CSGALNACT1: variants seen among roughly 807,000 people sequenced by gnomAD.
CSGALNACT1 encodes the protein beta4GalNAcT-1.
Under a neutral mutation model 51.0 loss-of-function variants are expected in CSGALNACT1, and 52 were observed. The ratio of observed to expected loss-of-function variants is 1.02; its 90% CI spans 0.82 to 1.29. The LOEUF (loss-of-function observed/expected upper bound fraction) is 1.29. CSGALNACT1 is among the 50% of genes most tolerant of loss of function. CSGALNACT1 has a pLI of 0.00. For synonymous variants in CSGALNACT1, 341 were observed against 254.4 expected, an observed-to-expected ratio of 1.34 and a Z score of -3.24; for missense variants, 935 against 679.2, an observed-to-expected ratio of 1.38 and a Z score of -4.19.
intron 1 of CSGALNACT1, among the ~76,000 whole-genome samples, chr8:19,626,020 T>A (rs2154166045): frequency 6.6e-6 from 1 of 152,344 alleles, no homozygotes; most frequent in Non-Finnish European, 1.5e-5. Flanking sequence ...TATTAACATT[T>A]AAATTAACAG....
In CSGALNACT1 at chr8:19,505,795, G is replaced by T. The variant is rs117494579; in HGVS notation, c.40C>A (p.Arg14=). The change falls in exon 4 of 10, where the codon CGG becomes AGG. Residue 14 remains arginine (R), a synonymous_variant. Transcript: ENST00000454498. ...AGGAGCACCAGCAAAACCACCACCC[G>T]GGAAATCCACGCAAGCAGCCCCCGG... 5.0e-6 allele frequency: 8 copies of T among 1,613,598 alleles called. No homozygotes were observed. The highest frequency in any genetic ancestry group is 5.1e-6 in the Non-Finnish European group (6 of 1,180,026).
chr8:19,549,656 CTTTTTTTTT>C (rs542956513), intron 3 of CSGALNACT1, among the ~76,000 whole-genome samples: 1 of 83,468 alleles, frequency 1.2e-5, no homozygotes, highest in Non-Finnish European at 2.3e-5. Context: ...CAATTTCCTA[CTTTTTTTTT>C]TTTTTTTTTT....
chr8:19,525,875 G>T (rs915554050), intron 3 of CSGALNACT1, among the ~76,000 whole-genome samples: 1 of 152,092 alleles, frequency 6.6e-6, no homozygotes, highest in Admixed American at 6.6e-5. Flanking sequence ...CTCCCTGAGG[G>T]ATTACTGCCA....
At chr8:19,563,058 A>T (rs2041126442) in intron 3 of CSGALNACT1, among the ~76,000 whole-genome samples, 1 of 152,246 alleles carries the variant, frequency 6.6e-6, no homozygotes, top group Non-Finnish European at 1.5e-5. Flanking sequence ...CTGGATAAAG[A>T]AAATGTGGTA....
intron 1 of CSGALNACT1, among the ~76,000 whole-genome samples, chr8:19,612,367 A>G (rs1419850623): frequency 2.0e-5 from 3 of 152,088 alleles, no homozygotes; most frequent in Admixed American, 6.6e-5. Context: ...ATTGAAAAAA[A>G]AAATTCTCCA....
At chr8:19,644,709 CAAAAAAAAAAAAAAA>C (rs756025465) in intron 1 of CSGALNACT1, among the ~76,000 whole-genome samples, 1 of 22,292 alleles carries the variant, frequency 4.5e-5, no homozygotes, top group Non-Finnish European at 9.6e-5. Flanking sequence ...GACTCCGTCT[CAAAAAAAAAAAAAAA>C]AAAAAAAAAA....
intron 6 of CSGALNACT1, among the ~76,000 whole-genome samples, chr8:19,438,035 G>A (rs1052296691): frequency 2.6e-5 from 4 of 152,160 alleles, no homozygotes; most frequent in Admixed American, 1.3e-4. Context: ...ACTTATCCAT[G>A]GGACTCATTT....
chr8:19,606,908 C>A (rs1048687679), upstream of CSGALNACT1, among the ~76,000 whole-genome samples: 2 of 152,154 alleles, frequency 1.3e-5, no homozygotes, highest in African/African-American at 4.8e-5. Flanking sequence ...GTAATCCCAG[C>A]ACTTTGGGAG....
rs73212537 is a variant in CSGALNACT1, at chr8:19,440,256, T to C, written c.852-325A>G. Among the ~76,000 whole-genome samples the C allele has an allele frequency of 0.084, 12,761 of 152,164 alleles. 764 individuals carry two copies. The highest frequency in any genetic ancestry group is 0.12 in the Non-Finnish European group (8,416 of 67,974). ...TTGGGTCCTTGGGGTCCCTGGTTCTTACCCCATAAAAAGACTATTTTAGAC... is the reference window on the plus strand; with the variant it reads ...TTGGGTCCTTGGGGTCCCTGGTTCTCACCCCATAAAAAGACTATTTTAGAC... On this transcript the variant is annotated intron_variant, in intron 5 of 9. Transcript: ENST00000454498.
chr8:19,694,368 T>G (rs750241571), intron 1 of CSGALNACT1, among the ~76,000 whole-genome samples: 8 of 152,250 alleles, frequency 5.3e-5, no homozygotes, highest in Non-Finnish European at 1.2e-4. Context: ...TACCCTCATT[T>G]CAAGTCTCGC....
chr8:19,487,687 A>G (rs968448825), intron 4 of CSGALNACT1, among the ~76,000 whole-genome samples: 1 of 152,054 alleles, frequency 6.6e-6, no homozygotes, highest in Non-Finnish European at 1.5e-5. Flanking sequence ...CAAGTCAACT[A>G]TTCATGGTAG....
intron 1 of CSGALNACT1, among the ~76,000 whole-genome samples, chr8:19,740,406 C>CCA (rs1203475292): frequency 6.6e-6 from 1 of 152,200 alleles, no homozygotes; most frequent in East Asian, 1.9e-4. Flanking sequence ...GGCAGCACCC[C>CCA]CACAACCCTT....
At chr8:19,726,718 A>T (rs2154243075) in intron 1 of CSGALNACT1, among the ~76,000 whole-genome samples, 1 of 152,360 alleles carries the variant, frequency 6.6e-6, no homozygotes, top group African/African-American at 2.4e-5. Context: ...CTATGAAAAA[A>T]ATATACTAGA....
At chr8:19,630,194 CTGTGTGTGTGTGTGTGTGTGTGTGTGTG>C (rs55947851) in intron 1 of CSGALNACT1, among the ~76,000 whole-genome samples, 63 of 137,892 alleles carry the variant, frequency 4.6e-4, no homozygotes, top group African/African-American at 1.6e-3. Context: ...TCCCACGTCT[CTGTGTGTGTGTGTGTGTGTGTGTGTGTG>C]TGTGTGTGTG....
chr8:19,739,842 G>A (rs1414756749), intron 1 of CSGALNACT1, among the ~76,000 whole-genome samples: 2 of 152,176 alleles, frequency 1.3e-5, no homozygotes, highest in Non-Finnish European at 2.9e-5. Context: ...CTTATTCTAT[G>A]TAAGAAAGAA....
chr8:19,584,862 G>C (rs114931447), intron 3 of CSGALNACT1, among the ~76,000 whole-genome samples: 3,652 of 152,256 alleles, frequency 0.024, 165 homozygotes, highest in African/African-American at 0.084. Context: ...CAGCAAAGTA[G>C]ATACTCTGAA....
intron 4 of CSGALNACT1, among the ~76,000 whole-genome samples, chr8:19,474,093 A>G (rs991881768): frequency 6.6e-6 from 1 of 152,220 alleles, no homozygotes; most frequent in East Asian, 1.9e-4. Context: ...TACAATAAAT[A>G]ATAACAATGG....
chr8:19,636,679 T>C (rs1423984969), intron 1 of CSGALNACT1, among the ~76,000 whole-genome samples: 3 of 152,158 alleles, frequency 2.0e-5, no homozygotes. Context: ...GGTAGTGCTG[T>C]CCCCAAATGG....
At chr8:19,599,704 C>G (rs7016845) in intron 2 of CSGALNACT1, among the ~76,000 whole-genome samples, 132,854 of 152,242 alleles carry the variant, frequency 0.87, 58,182 homozygotes, top group East Asian at 1. Context: ...AAAGCTACCA[C>G]AGTAGCAGGA....
Sources: allele counts gnomAD v4.1 joint callset (sites outside exome capture counted in the v4.1 genomes callset), GRCh38; gene constraint gnomAD v4.1.1; transcripts MANE v1.5; gene names NCBI Gene and HGNC (gene_info 2026-07-23, HGNC 2026-07-21).